The following MINAR1 variants were observed in gnomAD, a reference collection of about 807,000 sequenced individuals.
MINAR1 encodes the protein membrane integral NOTCH2 associated receptor 1, also known as major intrinsically disordered Notch2-binding receptor 1.
Under a neutral mutation model 65.1 loss-of-function variants are expected in MINAR1, and 40 were observed. The observed-to-expected ratio is 0.61, with a 90% CI of 0.48 to 0.80. The LOEUF (loss-of-function observed/expected upper bound fraction) is 0.80. Among genes scored for constraint, MINAR1 ranks in the 30% least tolerant of loss-of-function variants. MINAR1 has a pLI of 0.00. For missense variants in MINAR1, 1,128 were observed against 1,148.0 expected (o/e 0.98, Z 0.25); for synonymous variants, 482 against 449.1 (o/e 1.07, Z -0.93).
chr15:79,457,057 T>C lies in MINAR1; in HGVS notation c.910T>C (p.Phe304Leu). 6.2e-7 allele frequency: 1 copy of C among 1,614,104 alleles called. No individual in the cohort carries two copies. Reference protein sequence around the residue: ...PHKPPFFNHSFEMPYNSQYLN... With the variant: ...PHKPPFFNHSLEMPYNSQYLN... ...CAAGCCACCCTTCTTCAACCACAGC[T>C]TTGAAATGCCCTATAACAGCCAGTA... Residue 304 changes from phenylalanine to leucine, a missense_variant, in exon 2 of 4, where the codon TTT becomes CTT. Transcript: ENST00000305428.
Position 79,458,385 on chromosome 15 carries a change from G to A in MINAR1, c.2238G>A (p.Glu746=), listed in dbSNP as rs758902951. The part of the protein sequence containing the change: ...ITYTNRVGLN[E]EEIKDTGPGD... ...ATACCAACCGTGTGGGCCTCAATGA[G>A]GAGGAGATAAAAGACACAGGCCCAG... The change falls in exon 2 of 4, where the codon GAG becomes GAA. Residue 746 remains glutamate (E), a synonymous_variant. Coordinates refer to ENST00000305428, the MANE Select transcript of MINAR1 (RefSeq NM_015206.3). 1 of 1,614,180 alleles carries A rather than the reference G, an allele frequency of 6.2e-7. No individual in the cohort carries two copies. Among genetic ancestry groups the A allele is most frequent in the East Asian group, 2.2e-5 (1 of 44,886 alleles).
At chr15:79,436,139 C>T (rs1048537412) in intron 1 of MINAR1, among the ~76,000 whole-genome samples, 19 of 152,202 alleles carry the variant, frequency 1.2e-4, no homozygotes, top group African/African-American at 3.6e-4. Flanking sequence ...TTCTTGCTGA[C>T]GCATAATGGA....
chr15:79,426,756 C>T, the MINAR1 span: 1 of 152,206 alleles, frequency 6.6e-6, no homozygotes, highest in East Asian at 1.9e-4. Flanking sequence ...CATAGAGATG[C>T]TCTGAACTCC....
chr15:79,416,014 C>G, the MINAR1 span: 1 of 152,186 alleles, frequency 6.6e-6, no homozygotes, highest in African/African-American at 2.4e-5. Flanking sequence ...TAGATATTTT[C>G]TTTGTTGCAA....
chr15:79,427,081 T>C, the MINAR1 span: 1 of 152,226 alleles, frequency 6.6e-6, no homozygotes, highest in Non-Finnish European at 1.5e-5. Flanking sequence ...TGGAATACTA[T>C]GCAGCCATGA....
rs7183867 is a variant in MINAR1, at chr15:79,456,261, C to A, written c.114C>A (p.Phe38Leu). 6.2e-7 allele frequency: 1 copy of A among 1,613,982 alleles called. No individual in the cohort carries two copies. Among genetic ancestry groups the A allele is most frequent in the South Asian group, 1.1e-5 (1 of 91,078 alleles). ...QDLCKSLCAR[F>L]DLSQLAKLRS... is the part of the protein sequence containing the mutation. ...TGTGCAAATCTCTCTGTGCCCGGTTCGACCTGTCGCAGCTTGCCAAACTGA... is the reference window on the plus strand; with the variant it reads ...TGTGCAAATCTCTCTGTGCCCGGTTAGACCTGTCGCAGCTTGCCAAACTGA... The change falls in exon 2 of 4, where the codon TTC becomes TTA. Residue 38 changes from phenylalanine to leucine, a missense_variant. Physicochemically the swap from Phe to Leu is conservative, Grantham distance 22. Transcript: ENST00000305428.
In MINAR1 at chr15:79,457,084, C is replaced by T; in HGVS notation, c.937C>T (p.Leu313=). The T allele has an allele frequency of 6.2e-7, 1 of 1,614,164 alleles. No homozygotes were observed. Among genetic ancestry groups the T allele is most frequent in the African/African-American group, 1.3e-5 (1 of 75,050 alleles). ...TGAAATGCCCTATAACAGCCAGTACCTGAATCCAGTGTATTCCCCGGTTCC... is the reference window on the plus strand; with the variant it reads ...TGAAATGCCCTATAACAGCCAGTACTTGAATCCAGTGTATTCCCCGGTTCC... The part of the protein sequence containing the change: ...SFEMPYNSQY[L]NPVYSPVPDK... The change falls in exon 2 of 4, where the codon CTG becomes TTG. Residue 313 remains leucine (L), a synonymous_variant. Coordinates refer to ENST00000305428, the MANE Select transcript of MINAR1 (RefSeq NM_015206.3).
intron 2 of MINAR1, among the ~76,000 whole-genome samples, 164 bp from the exon 3 acceptor site, chr15:79,462,903 G>A (rs1252508103): frequency 6.6e-6 from 1 of 152,160 alleles, no homozygotes; most frequent in African/African-American, 2.4e-5. Flanking sequence ...TTTTCCTAGA[G>A]AATTTCCCTC....
At chr15:79,447,054 C>T (rs980285426) in intron 1 of MINAR1, among the ~76,000 whole-genome samples, 1 of 151,808 alleles carries the variant, frequency 6.6e-6, no homozygotes, top group African/African-American at 2.4e-5. Flanking sequence ...GCCCAGCTAA[C>T]TTTTTGTATT....
chr15:79,454,014 C>T (rs567199831), intron 1 of MINAR1, among the ~76,000 whole-genome samples: 1 of 150,038 alleles, frequency 6.7e-6, no homozygotes, highest in South Asian at 2.1e-4. Flanking sequence ...CCCAAAATTA[C>T]ATTCACTGGT....
upstream of MINAR1, among the ~76,000 whole-genome samples, chr15:79,431,227 A>G (rs1894428115): frequency 6.6e-6 from 1 of 152,114 alleles, no homozygotes; most frequent in South Asian, 2.1e-4. Context: ...TTTTGAAATG[A>G]GATTCCATGG....
the MINAR1 span, chr15:79,417,853 G>A: frequency 6.6e-6 from 1 of 152,244 alleles, no homozygotes; most frequent in East Asian, 1.9e-4. Context: ...AAAAGCACAT[G>A]TTGGAAATGC....
Position 79,442,442 on chromosome 15 carries a change from TG to T in MINAR1, c.-51+9903del, listed in dbSNP as rs201805901. Among the ~76,000 whole-genome samples the T allele has an allele frequency of 1.4e-3, 207 of 152,302 alleles. 1 individual carries two copies. The East Asian group carries it at 0.015, about 11-fold the overall frequency. On this transcript the variant is annotated intron_variant, in intron 1 of 3. Coordinates refer to ENST00000305428, the MANE Select transcript of MINAR1 (RefSeq NM_015206.3). ...TTCTATTCTGTTCCATTGATTTATC[TG>T]TCAAATTATAATAGGAACTTTGTAT...
chr15:79,452,024 T>C (rs1017357835), intron 1 of MINAR1, among the ~76,000 whole-genome samples: 3 of 151,604 alleles, frequency 2.0e-5, no homozygotes, highest in African/African-American at 7.3e-5. Context: ...TGAGCCTGTG[T>C]ATGTGGTGTA....
At chr15:79,437,338 G>C (rs942860287) in intron 1 of MINAR1, among the ~76,000 whole-genome samples, 1 of 151,678 alleles carries the variant, frequency 6.6e-6, no homozygotes, top group Non-Finnish European at 1.5e-5. Flanking sequence ...GGGTGTGAGT[G>C]AGTAGTGATT....
intron 1 of MINAR1, among the ~76,000 whole-genome samples, chr15:79,455,578 C>T (rs1195134410): frequency 1.3e-5 from 2 of 152,166 alleles, no homozygotes; most frequent in Non-Finnish European, 2.9e-5. Flanking sequence ...CAGGTCTTGG[C>T]AACCACTGAT....
At position 79,457,212 on chromosome 15, in the gene MINAR1, A is replaced by G. The variant is rs1895462155; in HGVS notation, c.1065A>G (p.Leu355=). The part of the protein sequence containing the change: ...VMGTQEARRC[L]GKPNKQTPWP... The stretch of plus-strand genomic sequence containing the variant: ...GAACCCAAGAAGCCAGGCGCTGTCT[A>G]GGGAAGCCCAACAAGCAGACTCCCT... Residue 355 remains leucine, a synonymous_variant, in exon 2 of 4, where the codon CTA becomes CTG. Transcript: ENST00000305428. 1 of 1,613,946 alleles carries G rather than the reference A, an allele frequency of 6.2e-7. No individual in the cohort carries two copies. The highest frequency in any genetic ancestry group is 1.1e-5 in the South Asian group (1 of 91,082).
chr15:79,443,667 AAGT>A (rs993627156), intron 1 of MINAR1, among the ~76,000 whole-genome samples: 1 of 152,190 alleles, frequency 6.6e-6, no homozygotes, highest in Admixed American at 6.5e-5. Flanking sequence ...AATTTATTGT[AAGT>A]AAATTCATTC....
chr15:79,465,807 C>T (rs1293975689), intron 3 of MINAR1, among the ~76,000 whole-genome samples: 2 of 151,874 alleles, frequency 1.3e-5, no homozygotes, highest in African/African-American at 4.8e-5. Context: ...TTTAGGGGTG[C>T]CTCAGCCACT....
Sources: allele counts gnomAD v4.1 joint callset (sites outside exome capture counted in the v4.1 genomes callset), GRCh38; gene constraint gnomAD v4.1.1; transcripts MANE v1.5; gene names NCBI Gene and HGNC (gene_info 2026-07-23, HGNC 2026-07-21).